Variants in TMEM108 observed in about 807,000 individuals in gnomAD.
TMEM108 encodes the protein transmembrane protein 108.
Under a neutral mutation model 35.1 loss-of-function variants are expected in TMEM108, and 12 were observed. The ratio of observed to expected loss-of-function variants is 0.34; its 90% CI spans 0.22 to 0.55. The LOEUF is 0.55. Among genes scored for constraint, TMEM108 ranks in the 20% least tolerant of loss-of-function variants. TMEM108 has a pLI of 0.89. For synonymous variants in TMEM108, 287 were observed against 308.6 expected, an observed-to-expected ratio of 0.93 and a Z score of 0.73; for missense variants, 680 against 753.3, an observed-to-expected ratio of 0.90 and a Z score of 1.14.
intron 2 of TMEM108, among the ~76,000 whole-genome samples, chr3:133,169,624 A>G (rs1299393578): frequency 6.6e-6 from 1 of 152,206 alleles, no homozygotes; most frequent in Non-Finnish European, 1.5e-5. Flanking sequence ...TATCAAAGCT[A>G]TCATTTCCCA....
intron 2 of TMEM108, among the ~76,000 whole-genome samples, chr3:133,062,268 G>A (rs766286956): frequency 6.6e-6 from 1 of 152,172 alleles, no homozygotes; most frequent in Non-Finnish European, 1.5e-5. Context: ...ACAATAGCTA[G>A]GAAAGCTTTT....
At chr3:133,266,289 T>C (rs1946695780) in intron 3 of TMEM108, among the ~76,000 whole-genome samples, 1 of 152,152 alleles carries the variant, frequency 6.6e-6, no homozygotes, top group African/African-American at 2.4e-5. Context: ...AATTCATGAA[T>C]ATCAATATTG....
At chr3:133,181,234 T>C (rs1415450249) in intron 2 of TMEM108, among the ~76,000 whole-genome samples, 1 of 152,054 alleles carries the variant, frequency 6.6e-6, no homozygotes, top group East Asian at 1.9e-4. Flanking sequence ...AGGAGGCTCA[T>C]CTATGAACCA....
At chr3:133,311,313 C>G (rs2071126032) in intron 3 of TMEM108, among the ~76,000 whole-genome samples, 1 of 152,224 alleles carries the variant, frequency 6.6e-6, no homozygotes, top group South Asian at 2.1e-4. Context: ...TATTTTCCAA[C>G]TTGGTTCCAT....
intron 2 of TMEM108, among the ~76,000 whole-genome samples, chr3:133,065,293 C>A (rs1324210296): frequency 6.6e-6 from 1 of 151,972 alleles, no homozygotes; most frequent in Non-Finnish European, 1.5e-5. Flanking sequence ...GCCACACACA[C>A]ACACACACAC....
At chr3:133,265,581 T>G (rs1946686009) in intron 3 of TMEM108, among the ~76,000 whole-genome samples, 1 of 152,194 alleles carries the variant, frequency 6.6e-6, no homozygotes, top group East Asian at 1.9e-4. Flanking sequence ...CCTGCCATCC[T>G]TGACAAGCAG....
At position 133,380,672 on chromosome 3, in the gene TMEM108, C is replaced by T; in HGVS notation, c.961C>T (p.His321Tyr). 5 of 1,614,162 alleles carry T rather than the reference C, an allele frequency of 3.1e-6. No individual in the cohort carries two copies. The highest frequency in any genetic ancestry group is 4.2e-6 in the Non-Finnish European group (5 of 1,180,022). The part of the protein sequence containing the change: ...QAAPVPSQRP[H>Y]HGDPQDGPSH... The stretch of plus-strand genomic sequence containing the variant: ...TGCCCCAGTGCCTTCTCAGCGCCCC[C>T]ACCACGGTGACCCACAGGATGGCCC... The change falls in exon 4 of 6, where the codon CAC becomes TAC. Residue 321 changes from histidine to tyrosine, a missense_variant. His to Tyr is a moderately conservative substitution (Grantham distance 83). Transcript: ENST00000321871. This position sits in a 1 kb window ranked among gnomAD's most constrained non-coding sequence, Gnocchi z 5.3.
In TMEM108 at chr3:133,234,641, A is replaced by G. The variant is rs200260912; in HGVS notation, c.40+5290A>G. On this transcript the variant is annotated intron_variant, in intron 3 of 5. Transcript: ENST00000321871. ...TATCTATGACAAACCCACAGCCAAT[A>G]TCATACTGAATGGGCAAAAACTGGA... is the stretch of plus-strand genomic sequence containing the variant. Among the ~76,000 whole-genome samples, 387 of 152,284 alleles carry G rather than the reference A, an allele frequency of 2.5e-3. 8 individuals are homozygous for G. In the East Asian group the frequency reaches 0.051, roughly 20 times the overall value.
intron 3 of TMEM108, chr3:133,378,226 G>A (rs2072900103): frequency 9.3e-6 from 5 of 535,170 alleles, no homozygotes; most frequent in African/African-American, 2.1e-5. Flanking sequence ...CAATTTAGAA[G>A]TGCAGGGTGA....
At chr3:133,091,839 G>A (rs1457962113) in intron 2 of TMEM108, among the ~76,000 whole-genome samples, 4 of 150,364 alleles carry the variant, frequency 2.7e-5, no homozygotes, top group African/African-American at 9.7e-5. Context: ...ATATTTCTCT[G>A]ATTTGAGAGA....
At chr3:133,291,352 C>G (rs1947065938) in intron 3 of TMEM108, among the ~76,000 whole-genome samples, 1 of 151,914 alleles carries the variant, frequency 6.6e-6, no homozygotes, top group Admixed American at 6.6e-5. Context: ...ACCATCACAG[C>G]TTACTGCAGC....
At chr3:133,225,242 T>C (rs1946052084) in intron 2 of TMEM108, among the ~76,000 whole-genome samples, 2 of 152,042 alleles carry the variant, frequency 1.3e-5, no homozygotes, top group Non-Finnish European at 1.5e-5. Flanking sequence ...GAGAGAGGGT[T>C]TCATCGTGTT....
At chr3:133,082,635 T>C (rs1943827398) in intron 2 of TMEM108, among the ~76,000 whole-genome samples, 1 of 152,058 alleles carries the variant, frequency 6.6e-6, no homozygotes, top group African/African-American at 2.4e-5. Flanking sequence ...AAGCGCTATT[T>C]TAACCTTTTT....
In TMEM108 at chr3:133,149,501, C is replaced by G. The variant is rs527903469; in HGVS notation, c.-46-79765C>G. ...AAGTTTGTATCCTTTGATCCAAATC[C>G]CCACATTTTTCCCAGCCACTGACAA... On this transcript the variant is annotated intron_variant, in intron 2 of 5. Transcript: ENST00000321871. Among the ~76,000 whole-genome samples, 3 of 152,170 alleles carry G rather than the reference C, an allele frequency of 2.0e-5. No individual in the cohort carries two copies. The South Asian group carries it at 6.2e-4, about 32-fold the overall frequency.
At chr3:133,077,644 A>C (rs1943758171) in intron 2 of TMEM108, among the ~76,000 whole-genome samples, 1 of 152,174 alleles carries the variant, frequency 6.6e-6, no homozygotes, top group Non-Finnish European at 1.5e-5. Flanking sequence ...TCTCAAAGTG[A>C]GAAGGCAGAA....
At chr3:133,103,350 G>A (rs773223448) in intron 2 of TMEM108, among the ~76,000 whole-genome samples, 36 of 152,210 alleles carry the variant, frequency 2.4e-4, no homozygotes, top group Non-Finnish European at 4.3e-4. Context: ...ACCAAATACC[G>A]CATGTTCTCA....
intron 3 of TMEM108, among the ~76,000 whole-genome samples, chr3:133,269,299 C>T (rs141105865): frequency 1.3e-5 from 2 of 152,256 alleles, no homozygotes; most frequent in East Asian, 1.9e-4. Flanking sequence ...GATAAATGAG[C>T]ATTGAAACAA....
chr3:133,072,218 G>A (rs1943684433), intron 2 of TMEM108, among the ~76,000 whole-genome samples: 1 of 152,110 alleles, frequency 6.6e-6, no homozygotes, highest in African/African-American at 2.4e-5. Flanking sequence ...CCTGCAAATG[G>A]CATCTAAAGA....
intron 2 of TMEM108, among the ~76,000 whole-genome samples, chr3:133,143,972 T>TTTTA (rs1553739797): frequency 1.0e-4 from 13 of 126,502 alleles, no homozygotes; most frequent in African/African-American, 3.7e-4. Flanking sequence ...TTTTATTTTA[T>TTTTA]TTTATTTTAT....
Sources: gnomAD v4.1 joint callset for allele counts (sites outside exome capture counted in the v4.1 genomes callset) on GRCh38, gnomAD v4.1.1 for gene constraint, Gnocchi (gnomAD v3.1) non-coding constraint, MANE v1.5 for transcripts, NCBI Gene and HGNC (gene_info 2026-07-23, HGNC 2026-07-21) for gene names.